AKAP12: variants seen among roughly 807,000 people sequenced by gnomAD.
The protein encoded by AKAP12 is A-kinase anchoring protein 12.
Under a neutral mutation model 79.9 loss-of-function variants are expected in AKAP12, and 32 were observed. That is an observed-to-expected ratio of 0.40 (90% confidence interval 0.30 to 0.54). The LOEUF is 0.54. AKAP12 is among the 20% of genes least tolerant of loss of function. The probability of loss-of-function intolerance (pLI) is 0.48; values close to 1 mark genes in which losing one functional copy is unlikely to be tolerated. For synonymous variants in AKAP12, 808 were observed against 857.0 expected, an observed-to-expected ratio of 0.94 and a Z score of 1.00; for missense variants, 2,074 against 2,177.0, an observed-to-expected ratio of 0.95 and a Z score of 0.94.
intron 2 of AKAP12, among the ~76,000 whole-genome samples, chr6:151,295,274 A>G (rs1050489446): frequency 2.0e-5 from 3 of 152,234 alleles, no homozygotes; most frequent in Non-Finnish European, 4.4e-5. Flanking sequence ...TTAATGTTCA[A>G]TGGAATTAAT....
Position 151,305,844 on chromosome 6 carries a change from C to G in AKAP12, c.260C>G (p.Ala87Gly), listed in dbSNP as rs750360337. ...QEGDLNGQKG[A>G]LNGQGALNSQ... ...GGTGACCTAAATGGCCAGAAAGGAG[C>G]CCTGAACGGTCAAGGAGCCCTAAAC... Residue 87 changes from alanine to glycine, a missense_variant, in exon 3 of 5, where the codon GCC (alanine) becomes GGC (glycine). This residue lies in a region of AKAP12 where 1,428 missense variants were observed against 1,451.0 expected (regional missense o/e 0.98). Coordinates refer to ENST00000402676, the MANE Select transcript of AKAP12 (RefSeq NM_005100.4). 6.2e-7 allele frequency: 1 copy of G among 1,613,912 alleles called. No homozygotes were observed. Among genetic ancestry groups the G allele is most frequent in the Non-Finnish European group, 8.5e-7 (1 of 1,179,946 alleles).
chr6:151,332,210 G>C (rs1168690961), intron 3 of AKAP12, among the ~76,000 whole-genome samples: 1 of 151,616 alleles, frequency 6.6e-6, no homozygotes, highest in Non-Finnish European at 1.5e-5. Flanking sequence ...CTAAATTTTT[G>C]TATTTTTAGT....
chr6:151,262,226 A>T (rs886167668), intron 2 of AKAP12, among the ~76,000 whole-genome samples: 1 of 152,182 alleles, frequency 6.6e-6, no homozygotes, highest in Middle Eastern at 3.2e-3. Context: ...AAGTGCTGGG[A>T]TAACAGGCAT....
At chr6:151,324,433 G>A in intron 3 of AKAP12, 4 of 985,344 alleles carry the variant, frequency 4.1e-6, no homozygotes, top group Non-Finnish European at 4.8e-6. Context: ...TGCCCAAAAA[G>A]TGCAACTACG....
In AKAP12 at chr6:151,314,909, C is replaced by T. The variant is rs570958599; in HGVS notation, c.319+9006C>T. ...CCTACTAAAAATACAAAAATTAGCC[C>T]GGCATGGTGGCATGCAGCTGTAGTC... On this transcript the variant is annotated intron_variant, in intron 3 of 4. Transcript: ENST00000402676. Among the ~76,000 whole-genome samples the T allele has an allele frequency of 9.9e-5, 15 of 151,980 alleles. No homozygotes were observed. The South Asian group carries it at 1.7e-3, about 17-fold the overall frequency.
intron 3 of AKAP12, among the ~76,000 whole-genome samples, chr6:151,310,542 A>C (rs1329779605): frequency 6.6e-6 from 1 of 152,174 alleles, no homozygotes; most frequent in Non-Finnish European, 1.5e-5. Flanking sequence ...AGATCAGCCA[A>C]CGTGGCGAAA....
intron 2 of AKAP12, among the ~76,000 whole-genome samples, chr6:151,272,489 G>GAGATGAT (rs1776205224): frequency 7.6e-6 from 1 of 132,266 alleles, no homozygotes; most frequent in Non-Finnish European, 1.6e-5. Flanking sequence ...TGTTTTTCAT[G>GAGATGAT]AGATGATAGA....
In AKAP12 at chr6:151,350,322, C is replaced by T. The variant is rs752861442; in HGVS notation, c.1931C>T (p.Ser644Phe). 3.7e-6 allele frequency: 6 copies of T among 1,613,682 alleles called. No individual in the cohort carries two copies. Among genetic ancestry groups the T allele is most frequent in the Non-Finnish European group, 5.1e-6 (6 of 1,179,968 alleles). Residue 644 changes from serine to phenylalanine, a missense_variant, in exon 4 of 5, where the codon TCT becomes TTT. Transcript: ENST00000402676. This position sits in a 1 kb window ranked among gnomAD's most constrained non-coding sequence, Gnocchi z 4.8. Reference protein sequence around the residue: ...ELDKVKSATLSSTESTASEMQ... With the variant: ...ELDKVKSATLFSTESTASEMQ... The stretch of plus-strand genomic sequence containing the variant: ...GACAAGGTCAAGAGCGCTACCTTGT[C>T]TTCCACCGAGAGCACAGCCTCTGAA...
rs1274009135 is a variant in AKAP12 at position 151,350,411 on chromosome 6, G to A, written c.2020G>A (p.Asp674Asn). Residue 674 changes from aspartate (D) to asparagine (N), a missense_variant, in exon 4 of 5, where the codon GAT becomes AAT. This residue lies in a region of AKAP12 where 1,428 missense variants were observed against 1,451.0 expected (regional missense o/e 0.98). Transcript: ENST00000402676. This position sits in a 1 kb window ranked among gnomAD's most constrained non-coding sequence, Gnocchi z 4.8. ...PKPEEPKRKV[D>N]TSVSWEALIC... ...GCCGGAAGAACCAAAGCGCAAGGTG[G>A]ATACCTCAGTATCTTGGGAAGCTTT... 1 of 1,614,012 alleles carries A rather than the reference G, an allele frequency of 6.2e-7. No homozygotes were observed. Among genetic ancestry groups the A allele is most frequent in the Admixed American group, 1.7e-5 (1 of 60,000 alleles).
chr6:151,265,339 T>C (rs1797531383), intron 2 of AKAP12, among the ~76,000 whole-genome samples: 1 of 152,216 alleles, frequency 6.6e-6, no homozygotes, highest in African/African-American at 2.4e-5. Flanking sequence ...AAAAGTGTTA[T>C]TGAACAACTG....
At position 151,326,856 on chromosome 6, in the gene AKAP12, C is replaced by T. The variant is rs567096567; in HGVS notation, c.319+20953C>T. On this transcript the variant is annotated intron_variant, in intron 3 of 4. Coordinates refer to ENST00000402676, the MANE Select transcript of AKAP12 (RefSeq NM_005100.4). ...TTTTTGAGATGGAGTCTTGCTCTTTCGCCAGACTGAAGTGCAATGGTGTGA... is the reference window on the plus strand; with the variant it reads ...TTTTTGAGATGGAGTCTTGCTCTTTTGCCAGACTGAAGTGCAATGGTGTGA... Among the ~76,000 whole-genome samples, 4 of 151,794 alleles carry T rather than the reference C, an allele frequency of 2.6e-5. No homozygotes were observed. The South Asian group carries it at 6.2e-4, about 24-fold the overall frequency.
intron 3 of AKAP12, among the ~76,000 whole-genome samples, chr6:151,316,691 C>T (rs779715537): frequency 2.3e-4 from 35 of 152,112 alleles, no homozygotes; most frequent in Non-Finnish European, 3.4e-4. Flanking sequence ...AGTGCAGTGG[C>T]GCGATCTCGG....
chr6:151,324,114 C>T (rs1777464670), intron 3 of AKAP12: 4 of 985,422 alleles, frequency 4.1e-6, no homozygotes, highest in Non-Finnish European at 4.8e-6. Context: ...GCATTTCACA[C>T]ACACCAGCCT....
chr6:151,344,515 G>T lies in AKAP12; in HGVS notation c.320-4196G>T, dbSNP rs78782257. Among the ~76,000 whole-genome samples, 164 of 114,636 alleles carry T rather than the reference G, an allele frequency of 1.4e-3. 5 individuals carry two copies. In the East Asian group the frequency reaches 0.032, roughly 22 times the overall value. 75.2% of individuals were successfully genotyped at this position (114,636 alleles called of 152,430 possible). A position where few individuals can be genotyped will look rare whatever the true frequency, so the allele number is the denominator to read the frequency against. ...CTGACTTGGTTGGGTACCTCAGGCA[G>T]TTTTGTTGTTGTTGTTGTTGTCTGT... On this transcript the variant is annotated intron_variant, in intron 3 of 4. Coordinates refer to ENST00000402676, the MANE Select transcript of AKAP12 (RefSeq NM_005100.4).
At chr6:151,251,081 T>A (rs980904356) in intron 2 of AKAP12, among the ~76,000 whole-genome samples, 1 of 152,186 alleles carries the variant, frequency 6.6e-6, no homozygotes, top group African/African-American at 2.4e-5. Flanking sequence ...AGAATTGCCA[T>A]TAGTACTACT....
At chr6:151,277,944 ATGTGTGTG>A (rs10524824) in intron 2 of AKAP12, among the ~76,000 whole-genome samples, 5,977 of 148,402 alleles carry the variant, frequency 0.04, 392 homozygotes, top group African/African-American at 0.14. Flanking sequence ...TAATAGGTTT[ATGTGTGTG>A]TGTGTGTGTG....
chr6:151,333,321 C>A (rs957797383), intron 3 of AKAP12, among the ~76,000 whole-genome samples: 3 of 152,122 alleles, frequency 2.0e-5, no homozygotes, highest in Non-Finnish European at 4.4e-5. Context: ...TGGGTTGAGC[C>A]TCTGGTCTGA....
At chr6:151,310,990 G>A (rs1174267482) in intron 3 of AKAP12, among the ~76,000 whole-genome samples, 1 of 151,848 alleles carries the variant, frequency 6.6e-6, no homozygotes, top group East Asian at 1.9e-4. Context: ...TTTTTTTAAA[G>A]AGGCCCTTGC....
intron 3 of AKAP12, among the ~76,000 whole-genome samples, chr6:151,329,738 C>T (rs1205328359): frequency 6.6e-6 from 1 of 152,176 alleles, no homozygotes; most frequent in African/African-American, 2.4e-5. Flanking sequence ...TAATAACTAC[C>T]ACTTCCTGAG....
Sources: gnomAD v4.1 joint callset for allele counts (sites outside exome capture counted in the v4.1 genomes callset) on GRCh38, gnomAD v4.1.1 for gene constraint, gnomAD v4.1.1 regional missense constraint, Gnocchi (gnomAD v3.1) non-coding constraint, MANE v1.5 for transcripts, NCBI Gene and HGNC (gene_info 2026-07-23, HGNC 2026-07-21) for gene names.